Variants in LRRC4C observed in about 807,000 individuals in gnomAD.
LRRC4C encodes leucine rich repeat containing 4C.
A neutral mutation model predicts 33.6 loss-of-function variants in LRRC4C; 5 were observed. The ratio of observed to expected loss-of-function variants is 0.15; its 90% confidence interval spans 0.08 to 0.31. The LOEUF (loss-of-function observed/expected upper bound fraction) is 0.31, where lower values mean the gene tolerates loss of function less well. Ranked by LOEUF, LRRC4C falls within the 10% of genes least tolerant of loss-of-function variation. LRRC4C has a pLI of 1.00. For missense variants in LRRC4C, 560 were observed against 796.7 expected (o/e 0.70, Z 3.58); for synonymous variants, 329 against 302.0 (o/e 1.09, Z -0.93).
intron 3 of LRRC4C, among the ~76,000 whole-genome samples, chr11:40,412,715 C>T (rs571945209): frequency 4.6e-5 from 7 of 152,042 alleles, no homozygotes; most frequent in African/African-American, 1.2e-4. Context: ...GCATTTGTCC[C>T]GGAGTTAGGC....
At chr11:40,755,514 C>T (rs1032218931) in intron 2 of LRRC4C, among the ~76,000 whole-genome samples, 1 of 152,074 alleles carries the variant, frequency 6.6e-6, no homozygotes, top group Admixed American at 6.6e-5. Context: ...CTCCTTATTG[C>T]TGCTCCATTT....
intron 3 of LRRC4C, among the ~76,000 whole-genome samples, chr11:40,364,563 A>C (rs1948121345): frequency 6.6e-6 from 1 of 152,098 alleles, no homozygotes; most frequent in Non-Finnish European, 1.5e-5. Flanking sequence ...AAGCAAACGG[A>C]ATACAAATTA....
chr11:40,663,168 C>T (rs893847391), intron 2 of LRRC4C, among the ~76,000 whole-genome samples: 2 of 152,176 alleles, frequency 1.3e-5, no homozygotes, highest in African/African-American at 4.8e-5. Context: ...GCAACCTCCG[C>T]CTCCCAGGTT....
chr11:40,992,583 A>G (rs763030547), intron 1 of LRRC4C, among the ~76,000 whole-genome samples: 2 of 152,130 alleles, frequency 1.3e-5, no homozygotes, highest in Non-Finnish European at 2.9e-5. Flanking sequence ...TGAAGAATTC[A>G]CTACCTCTTA....
At chr11:41,436,799 A>G (rs1955444006) in intron 1 of LRRC4C, among the ~76,000 whole-genome samples, 1 of 152,218 alleles carries the variant, frequency 6.6e-6, no homozygotes, top group African/African-American at 2.4e-5. Flanking sequence ...GCTGAATGGA[A>G]AACTCTTCTC....
chr11:41,428,111 T>C (rs1482356002), intron 1 of LRRC4C, among the ~76,000 whole-genome samples: 1 of 152,136 alleles, frequency 6.6e-6, no homozygotes, highest in Non-Finnish European at 1.5e-5. Flanking sequence ...TCTCTTCACA[T>C]GGATACGAGT....
At chr11:41,368,518 T>C (rs531765431) in intron 1 of LRRC4C, among the ~76,000 whole-genome samples, 28 of 152,330 alleles carry the variant, frequency 1.8e-4, no homozygotes, top group African/African-American at 6.7e-4. Context: ...TGGTGTTTTC[T>C]ATGAACTGAA....
intron 3 of LRRC4C, among the ~76,000 whole-genome samples, chr11:40,585,673 C>T (rs1349939590): frequency 7.5e-6 from 1 of 133,100 alleles, no homozygotes; most frequent in African/African-American, 2.8e-5. Context: ...CTTCCTGTGT[C>T]CATGTGATCT....
intron 3 of LRRC4C, chr11:40,351,639 C>A (rs1947391937): frequency 6.6e-6 from 1 of 151,952 alleles, no homozygotes; most frequent in African/African-American, 2.4e-5. Flanking sequence ...ATACTCTTCC[C>A]CCCTTTCTCA....
At chr11:40,363,131 C>T (rs1948038349) in intron 3 of LRRC4C, among the ~76,000 whole-genome samples, 1 of 152,106 alleles carries the variant, frequency 6.6e-6, no homozygotes, top group South Asian at 2.1e-4. Context: ...GCACTATTTA[C>T]AGTAGCAAAG....
chr11:41,065,007 C>T (rs569106182), intron 1 of LRRC4C, among the ~76,000 whole-genome samples: 2 of 152,210 alleles, frequency 1.3e-5, no homozygotes, highest in South Asian at 2.1e-4. Flanking sequence ...CTGAGCTGCA[C>T]GAGTTTTTTC....
intron 4 of LRRC4C, among the ~76,000 whole-genome samples, chr11:40,260,976 G>A (rs949111136): frequency 9.2e-5 from 14 of 152,042 alleles, no homozygotes; most frequent in African/African-American, 3.4e-4. Flanking sequence ...GAACTTCTGG[G>A]CTCAAGTAAT....
rs182093042 is a variant in LRRC4C at position 40,158,148 on chromosome 11, T to A, written c.-95-17295A>T. 1.4e-4 allele frequency among the ~76,000 whole-genome samples: 22 copies of A among 152,230 alleles called. 1 individual carries two copies. In the East Asian group the frequency reaches 4.2e-3, roughly 29 times the overall value. ...TGAGATTGGAGACTATTATTCTAAG[T>A]GAAGTAACTCAGGAATGTGAAACCA... On this transcript the variant is annotated intron_variant, in intron 5 of 6. Coordinates refer to ENST00000528697, the MANE Select transcript of LRRC4C (RefSeq NM_001258419.2).
At chr11:40,860,401 TGTTTCCTCTG>T in intron 2 of LRRC4C, among the ~76,000 whole-genome samples, 1 of 10,610 alleles carries the variant, frequency 9.4e-5, no homozygotes, top group South Asian at 2.3e-3. Context: ...AGTGGAAACA[TGTTTCCTCTG>T]AAATTAAGAT....
intron 1 of LRRC4C, among the ~76,000 whole-genome samples, chr11:41,092,085 A>C (rs1182239878): frequency 2.6e-5 from 4 of 152,160 alleles, no homozygotes; most frequent in Non-Finnish European, 5.9e-5. Context: ...ATTTTTTTAC[A>C]ATAAAAACGT....
chr11:41,445,229 A>G (rs1263959546), intron 1 of LRRC4C, among the ~76,000 whole-genome samples: 2 of 152,216 alleles, frequency 1.3e-5, no homozygotes, highest in Non-Finnish European at 2.9e-5. Context: ...GTTCCAGAAG[A>G]TTCTGCATAA....
At chr11:41,249,787 C>T (rs897295138) in intron 1 of LRRC4C, among the ~76,000 whole-genome samples, 2 of 152,154 alleles carry the variant, frequency 1.3e-5, no homozygotes, top group Non-Finnish European at 2.9e-5. Context: ...TTTTTAGTGA[C>T]TTTATTCTGC....
chr11:40,505,537 T>C (rs1954991492), intron 3 of LRRC4C, among the ~76,000 whole-genome samples: 2 of 152,172 alleles, frequency 1.3e-5, no homozygotes, highest in Non-Finnish European at 2.9e-5. Context: ...AACACCCACC[T>C]CAGTGAAGTC....
At chr11:40,165,409 G>T (rs1295995996) in intron 5 of LRRC4C, among the ~76,000 whole-genome samples, 1 of 152,036 alleles carries the variant, frequency 6.6e-6, no homozygotes, top group Non-Finnish European at 1.5e-5. Flanking sequence ...GCGTCTGTTT[G>T]TCTGTGTGTA....
Sources: gnomAD v4.1 joint callset for allele counts (sites outside exome capture counted in the v4.1 genomes callset) on GRCh38, gnomAD v4.1.1 for gene constraint, MANE v1.5 for transcripts, NCBI Gene and HGNC (gene_info 2026-07-23, HGNC 2026-07-21) for gene names.